The following SIRT2 variants were observed in gnomAD, a reference collection of about 807,000 sequenced individuals.
The protein encoded by SIRT2 is NAD-dependent protein deacetylase sirtuin-2.
A neutral mutation model predicts 57.4 loss-of-function variants in SIRT2; 40 were observed. That is an observed-to-expected ratio of 0.70 (90% CI 0.54 to 0.91). SIRT2 has a LOEUF of 0.91. SIRT2 is among the 40% of genes least tolerant of loss of function. The pLI, the probability that SIRT2 is intolerant of heterozygous loss-of-function variation, is 0.00. For missense variants in SIRT2, 439 were observed against 510.4 expected (o/e 0.86, Z 1.35); for synonymous variants, 161 against 195.7 (o/e 0.82, Z 1.48).
At chr19:38,896,408 G>A (rs1277401873) in intron 2 of SIRT2, among the ~76,000 whole-genome samples, 1 of 152,120 alleles carries the variant, frequency 6.6e-6, no homozygotes, top group East Asian at 1.9e-4. Context: ...AAAAGAGACG[G>A]CATCTTGCTA....
At chr19:38,896,811 C>T (rs1010777375) in intron 2 of SIRT2, among the ~76,000 whole-genome samples, 11 of 152,194 alleles carry the variant, frequency 7.2e-5, no homozygotes, top group African/African-American at 2.7e-4. Context: ...ATTCTGATGC[C>T]CGCTTCTGCA....
chr19:38,898,349 T>TGAG (rs1343209273), intron 2 of SIRT2, 30 bp downstream of exon 2: 1 of 1,432,700 alleles, frequency 7.0e-7, no homozygotes, highest in Non-Finnish European at 9.3e-7. Context: ...TCCGTCTCTC[T>TGAG]CCTCCCCTCC....
chr19:38,898,168 G>T (rs1001415776), intron 2 of SIRT2, among the ~76,000 whole-genome samples: 10 of 152,232 alleles, frequency 6.6e-5, no homozygotes, highest in African/African-American at 2.4e-4. Context: ...GGAAAGTTTG[G>T]GAGGACAGGC....
intron 1 of SIRT2, chr19:38,898,940 G>T (rs1973827765): frequency 5.9e-6 from 1 of 168,484 alleles, no homozygotes; most frequent in African/African-American, 2.4e-5. Context: ...AGGGCATGAA[G>T]GAACACTCAG....
chr19:38,888,124 TC>T (rs1219908056), intron 8 of SIRT2, among the ~76,000 whole-genome samples: 5 of 152,302 alleles, frequency 3.3e-5, no homozygotes, highest in African/African-American at 9.6e-5. Flanking sequence ...GTGCATCATG[TC>T]ATTTCTATAC....
chr19:38,882,451 G>A (rs549036836), intron 9 of SIRT2, among the ~76,000 whole-genome samples: 21 of 152,018 alleles, frequency 1.4e-4, no homozygotes, highest in African/African-American at 2.9e-4. Flanking sequence ...CCTGGCCAAC[G>A]TGGTGAAACC....
chr19:38,898,453 A>AGAG, intron 1 of SIRT2, 28 bp from the exon 2 acceptor site: 1 of 1,465,290 alleles, frequency 6.8e-7, no homozygotes, highest in Non-Finnish European at 9.2e-7. Flanking sequence ...AGGTGGTTAC[A>AGAG]GTGGGGAGAA....
At position 38,879,201 on chromosome 19, in the gene SIRT2, G is replaced by A; in HGVS notation, c.1124C>T (p.Pro375Leu). The change falls in exon 16 of 16, where the codon CCT becomes CTT. Residue 375 changes from proline to leucine, a missense_variant. By Grantham distance (98) the Pro-to-Leu change is moderately conservative. Transcript: ENST00000249396. ...TGTTGTCCTGGCCTCGTCCTTGGCA[G>A]GTGGCGGGGACTTCTTGGGGGAAGC... ...TSASPKKSPP[P>L]AKDEARTTER... 2 of 1,588,278 alleles carry A rather than the reference G, an allele frequency of 1.3e-6. No individual in the cohort carries two copies. Among genetic ancestry groups the A allele is most frequent in the Non-Finnish European group, 1.7e-6 (2 of 1,173,228 alleles).
At chr19:38,899,425 G>A (rs1486641964) in intron 1 of SIRT2, 81 bp downstream of exon 1, 2 of 1,531,818 alleles carry the variant, frequency 1.3e-6, no homozygotes, top group Non-Finnish European at 1.8e-6. Context: ...CCCCACCGCG[G>A]CCACCCTTGG....
intron 2 of SIRT2, among the ~76,000 whole-genome samples, chr19:38,895,623 T>TA (rs1460878231): frequency 1.3e-5 from 2 of 152,306 alleles, no homozygotes; most frequent in East Asian, 3.9e-4. Flanking sequence ...TACGACAATT[T>TA]AAAAAATTGC....
In SIRT2 at chr19:38,889,927, G is replaced by A. The variant is rs199693194; in HGVS notation, c.303C>T (p.Thr101=). 343 of 1,614,150 alleles carry A rather than the reference G, an allele frequency of 2.1e-4. 1 individual carries two copies. Among genetic ancestry groups the A allele is most frequent in the South Asian group, 7.4e-4 (67 of 91,080 alleles). The change falls in exon 6 of 16, where the codon ACC becomes ACT. Residue 101 remains threonine, a synonymous_variant. Coordinates refer to ENST00000249396, the MANE Select transcript of SIRT2 (RefSeq NM_012237.4). ...AGIPDFRSPS[T]GLYDNLEKYH... ...ACTTCTCTAGGTTGTCATAGAGGCC[G>A]GTGGATGGAGAGCGAAAGTCGGGGA...
At chr19:38,897,849 A>G (rs1688205831) in intron 2 of SIRT2, among the ~76,000 whole-genome samples, 3 of 149,464 alleles carry the variant, frequency 2.0e-5, no homozygotes, top group African/African-American at 7.4e-5. Context: ...TTTCTTTTTT[A>G]CTTTTTAGAG....
intron 2 of SIRT2, among the ~76,000 whole-genome samples, chr19:38,896,508 C>T (rs561352754): frequency 3.9e-5 from 6 of 152,260 alleles, no homozygotes; most frequent in South Asian, 4.1e-4. Flanking sequence ...CCACCGTGCC[C>T]GGCCTCACCT....
chr19:38,879,979 C>T (rs1174895493), intron 13 of SIRT2: 2 of 434,824 alleles, frequency 4.6e-6, no homozygotes, highest in Non-Finnish European at 8.3e-6. Context: ...GTGCCCAGCA[C>T]CATGCCCGGC....
rs771512920 is a variant in SIRT2 at position 38,883,626 on chromosome 19, C to A, written c.631+1G>T. 6.2e-7 allele frequency: 1 copy of A among 1,613,446 alleles called. No individual in the cohort carries two copies. Among genetic ancestry groups the A allele is most frequent in the Admixed American group, 1.7e-5 (1 of 60,004 alleles). On this transcript the variant is annotated splice_donor_variant, in intron 9 of 15. Transcript: ENST00000249396. LOFTEE classifies it high-confidence loss of function. The stretch of plus-strand genomic sequence containing the variant: ...GCCCTCAGGATGCCCTCCAGCCTCA[C>A]CTTTCATCCAGCTTAGCGGGTATTC...
intron 4 of SIRT2, among the ~76,000 whole-genome samples, chr19:38,892,455 TCCA>T (rs112627825): frequency 0.017 from 2,593 of 152,098 alleles, 75 homozygotes; most frequent in African/African-American, 0.057. Flanking sequence ...TGGACACCTA[TCCA>T]CCACATCTGA....
intron 4 of SIRT2, chr19:38,891,836 G>C (rs1245652002): frequency 2.1e-6 from 1 of 468,256 alleles, no homozygotes; most frequent in Non-Finnish European, 4.4e-6. Flanking sequence ...CAAATGCTTT[G>C]TAGCCACTGC....
chr19:38,878,897 C>A lies in SIRT2; in HGVS notation c.*258G>T. The A allele has an allele frequency of 2.4e-6, 1 of 416,020 alleles. No individual in the cohort carries two copies. The highest frequency in any genetic ancestry group is 4.2e-6 in the Non-Finnish European group (1 of 236,514). 25.8% of individuals were successfully genotyped at this position (416,020 alleles called of 1,614,324 possible). On this transcript the variant is annotated 3_prime_UTR_variant, in exon 16 of 16. Coordinates refer to ENST00000249396, the MANE Select transcript of SIRT2 (RefSeq NM_012237.4). Reference sequence around the variant, plus strand: ...GGGCAGTTAGAGATGAGGGAGGTTACTCCTTAGCCCAGGAGTGGTTAGAGA... The same window carrying A: ...GGGCAGTTAGAGATGAGGGAGGTTAATCCTTAGCCCAGGAGTGGTTAGAGA...
rs753856115 is a variant in SIRT2 at position 38,879,539 on chromosome 19, C to G, written c.948-39G>C. The G allele has an allele frequency of 2.2e-5, 35 of 1,574,634 alleles. 1 individual carries two copies. The Middle Eastern group carries it at 3.5e-3, about 157-fold the overall frequency. ...GGAGATCAGAGTTCCCAGGCGGGCT[C>G]GCCCCTGCCTGCTCCTCTCATCTGC... On this transcript the variant is annotated intron_variant, in intron 14 of 15. Transcript: ENST00000249396.
Sources: allele counts gnomAD v4.1 joint callset (sites outside exome capture counted in the v4.1 genomes callset), GRCh38; gene constraint gnomAD v4.1.1; transcripts MANE v1.5; gene names NCBI Gene and HGNC (gene_info 2026-07-23, HGNC 2026-07-21).